The following GRIN3B variants were observed in gnomAD, a reference collection of about 807,000 sequenced individuals.
GRIN3B encodes glutamate receptor ionotropic, NMDA 3B.
A neutral mutation model predicts 66.0 loss-of-function variants in GRIN3B; 77 were observed. That is an observed-to-expected ratio of 1.17 (90% CI 0.97 to 1.41). The LOEUF is 1.41. GRIN3B is among the 40% of genes most tolerant of loss of function. GRIN3B has a pLI of 0.00. For missense variants in GRIN3B, 1,787 were observed against 1,564.5 expected (o/e 1.14, Z -2.40); for synonymous variants, 823 against 749.7 (o/e 1.10, Z -1.60).
rs1599464094 is a variant in GRIN3B at position 1,009,278 on chromosome 19, C to T, written c.2808C>T (p.Phe936=). ...RAVDKERRVR[F]LLEPAVVVAP... is the part of the protein sequence containing the mutation. ...TGGACAAGGAGCGCCGCGTGCGCTTCCTGCTGGAGCCCGCCGTGGTTGTGG... is the reference window on the plus strand; with the variant it reads ...TGGACAAGGAGCGCCGCGTGCGCTTTCTGCTGGAGCCCGCCGTGGTTGTGG... Residue 936 remains phenylalanine, a synonymous_variant, in exon 9 of 9, where the codon TTC becomes TTT. Transcript: ENST00000234389. The T allele has an allele frequency of 7.1e-7, 1 of 1,413,402 alleles. No individual in the cohort carries two copies. The highest frequency in any genetic ancestry group is 9.1e-7 in the Non-Finnish European group (1 of 1,094,622). The allele number at this position is 1,413,402 out of a possible 1,614,324, so 87.6% of individuals were successfully genotyped here.
chr19:1,008,091 C>G (rs2038777948), intron 5 of GRIN3B, 49 bp from the exon 6 acceptor site: 1 of 1,567,196 alleles, frequency 6.4e-7, no homozygotes, highest in Non-Finnish European at 8.7e-7. Flanking sequence ...GGGCAGAGTT[C>G]CCCTGGGGCT....
At position 1,009,448 on chromosome 19, in the gene GRIN3B, C is replaced by A; in HGVS notation, c.2978C>A (p.Ala993Glu). 2 of 1,473,658 alleles carry A rather than the reference C, an allele frequency of 1.4e-6. No individual in the cohort carries two copies. Among genetic ancestry groups the A allele is most frequent in the Non-Finnish European group, 1.8e-6 (2 of 1,119,016 alleles). The allele number at this position is 1,473,658 out of a possible 1,614,324, so 91.3% of individuals were successfully genotyped here. ...LQELERRIEV[A>E]RERLRQALVR... is the part of the protein sequence containing the mutation. ...GAGCTGGAGCGCCGCATCGAAGTCG[C>A]GCGTGAGCGGCTCCGCCAGGCCCTG... is the stretch of plus-strand genomic sequence containing the variant. Residue 993 changes from alanine to glutamate, a missense_variant, in exon 9 of 9, where the codon GCG becomes GAG. Ala to Glu is a moderately radical substitution (Grantham distance 107). Transcript: ENST00000234389.
chr19:1,009,062 G>C (rs1334524515), intron 8 of GRIN3B, 111 bp from the exon 9 acceptor site: 21 of 1,450,942 alleles, frequency 1.4e-5, no homozygotes, highest in Non-Finnish European at 1.8e-5. Flanking sequence ...GCACACCGTG[G>C]CTCCCTGGTT....
At position 1,004,600 on chromosome 19, in the gene GRIN3B, C is replaced by T. The variant is rs1350792424; in HGVS notation, c.1099C>T (p.His367Tyr). The T allele has an allele frequency of 1.2e-6, 2 of 1,601,258 alleles. No homozygotes were observed. Among genetic ancestry groups the T allele is most frequent in the East Asian group, 2.3e-5 (1 of 44,154 alleles). ...TGSSQVHMSR[H>Y]FKVWSLRRDP... is the part of the protein sequence containing the mutation. ...CAGCTCCCAGGTACACATGTCTCGG[C>T]ACTTTAAGGTGTGGAGCCTTCGCCG... is the stretch of plus-strand genomic sequence containing the variant. Residue 367 changes from histidine (H) to tyrosine (Y), a missense_variant, in exon 3 of 9, where the codon CAC (histidine) becomes TAC (tyrosine). His to Tyr is a moderately conservative substitution (Grantham distance 83). Transcript: ENST00000234389.
In GRIN3B at chr19:1,007,219, C is replaced by T. The variant is rs919543480; in HGVS notation, c.2053-409C>T. ...GAGGCAGTGACGACAGAGCTGCCTC[C>T]GCCTGGGGTGGGAAGAGCGAGTGGG... On this transcript the variant is annotated intron_variant, in intron 3 of 8. Coordinates refer to ENST00000234389, the MANE Select transcript of GRIN3B (RefSeq NM_138690.3). This position sits in a 1 kb window ranked among gnomAD's most constrained non-coding sequence, Gnocchi z 4.4. Among the ~76,000 whole-genome samples the T allele has an allele frequency of 1.3e-5, 2 of 152,064 alleles. No homozygotes were observed. The highest frequency in any genetic ancestry group is 2.1e-4 in the South Asian group (1 of 4,832).
chr19:1,007,881 TTCA>T lies in GRIN3B; in HGVS notation c.2229_2231del (p.Ile743del). ...GAGCGACCCCCCCAAGCTCAACGCC[TTCA>T]TCATGGACAAGTCGCTCCTGGACTA... On this transcript the variant is annotated inframe_deletion, in exon 5 of 9. Transcript: ENST00000234389. The surrounding 1 kb of genome is among the most constrained non-coding windows in gnomAD (Gnocchi z 4.4). The T allele has an allele frequency of 1.2e-6, 2 of 1,607,440 alleles. No homozygotes were observed. Among genetic ancestry groups the T allele is most frequent in the Non-Finnish European group, 1.7e-6 (2 of 1,175,878 alleles).
chr19:1,004,951 C>T lies in GRIN3B; in HGVS notation c.1450C>T (p.Leu484=), dbSNP rs80202383. Residue 484 remains leucine (L), a synonymous_variant, in exon 3 of 9, where the codon CTG becomes TTG. Transcript: ENST00000234389. ...KCCYGYCIDL[L]ERLAEDTPFD... ...CTGCTACGGCTACTGCATTGACCTG[C>T]TGGAGCGGCTGGCGGAGGACACGCC... The T allele has an allele frequency of 1.6e-3, 2,633 of 1,612,028 alleles. 3 individuals are homozygous for T. The highest frequency in any genetic ancestry group is 2.6e-3 in the South Asian group (234 of 91,068).
At position 1,007,110 on chromosome 19, in the gene GRIN3B, A is replaced by G. The variant is rs9989716; in HGVS notation, c.2053-518A>G. On this transcript the variant is annotated intron_variant, in intron 3 of 8. Coordinates refer to ENST00000234389, the MANE Select transcript of GRIN3B (RefSeq NM_138690.3). This position sits in a 1 kb window ranked among gnomAD's most constrained non-coding sequence, Gnocchi z 4.4. Reference sequence around the variant, plus strand: ...TTCGACGCTGGGCCCCAACCTGGGTAGGAGCTGTGGAGGGGTGAGCAGTGG... The same window carrying G: ...TTCGACGCTGGGCCCCAACCTGGGTGGGAGCTGTGGAGGGGTGAGCAGTGG... Among the ~76,000 whole-genome samples the G allele has an allele frequency of 0.38, 57,751 of 152,050 alleles. 11,661 individuals are homozygous for G. Among genetic ancestry groups the G allele is most frequent in the African/African-American group, 0.52 (21,433 of 41,464 alleles).
Position 1,003,510 on chromosome 19 carries a change from GC to G in GRIN3B, c.810del (p.Thr271ProfsTer86). 1 of 1,533,464 alleles carries G rather than the reference GC, an allele frequency of 6.5e-7. No homozygotes were observed. The highest frequency in any genetic ancestry group is 8.7e-7 in the Non-Finnish European group (1 of 1,144,876). The allele number at this position is 1,533,464 out of a possible 1,614,324, so 95.0% of individuals were successfully genotyped here. Reference sequence around the variant, plus strand: ...GGACACCACTGCCGCCCAAGGCCCTGCCCACCGCGGGGCTGCCACCAGGGCT... The same window carrying G: ...GGACACCACTGCCGCCCAAGGCCCTGCCACCGCGGGGCTGCCACCAGGGCT... ...LGTPLPPKALPTAGLPPGLLA... is the reference protein window; with the variant it reads ...LGTPLPPKALXTAGLPPGLLA... On this transcript the variant is annotated frameshift_variant, in exon 2 of 9. Transcript: ENST00000234389. LOFTEE classifies it high-confidence loss of function.
At chr19:1,008,496 C>T (rs971929097) in intron 6 of GRIN3B, 122 bp from the exon 7 acceptor site, 6 of 1,231,558 alleles carry the variant, frequency 4.9e-6, no homozygotes, top group Non-Finnish European at 6.7e-6. Flanking sequence ...GTCCCTGCCT[C>T]CCAACCTGGC....
At chr19:1,004,311 G>A (rs532943903) in intron 2 of GRIN3B, among the ~76,000 whole-genome samples, 1 of 152,174 alleles carries the variant, frequency 6.6e-6, no homozygotes, top group Non-Finnish European at 1.5e-5. Flanking sequence ...CGTATGTGGA[G>A]TGGGGGCACA....
intron 3 of GRIN3B, among the ~76,000 whole-genome samples, chr19:1,006,077 G>A (rs533979180): frequency 1.1e-4 from 17 of 152,256 alleles, no homozygotes; most frequent in South Asian, 2.1e-4. Context: ...CTCAAACGCC[G>A]GGGCTCAAGC....
rs780645777 is a variant in GRIN3B, at chr19:1,008,955, T to A, written c.2702+28T>A. 1.0e-4 allele frequency: 165 copies of A among 1,580,068 alleles called. 1 individual carries two copies. In the Middle Eastern group the frequency reaches 2.1e-3, roughly 20 times the overall value. On this transcript the variant is annotated intron_variant, in intron 8 of 8. Transcript: ENST00000234389. ...AAGTGGTGGTCGGGGCGGACCACGA[T>A]GCAGGACCACCCAGACCCACCACCC...
rs2038769822 is a variant in GRIN3B, at chr19:1,007,773, C to T, written c.2198C>T (p.Thr733Met). Reference protein sequence around the residue: ...PTTPRGVAMLTSDPPKLNAFI... With the variant: ...PTTPRGVAMLMSDPPKLNAFI... The stretch of plus-strand genomic sequence containing the variant: ...ACGCCCCGCGGCGTCGCCATGCTCA[C>T]GTGAGCCCGGGCGCGGGGTGAGGCG... The change falls in exon 4 of 9, where the codon ACG (threonine) becomes ATG (methionine). Residue 733 changes from threonine to methionine, a missense_variant and splice_region_variant. Transcript: ENST00000234389. This position sits in a 1 kb window ranked among gnomAD's most constrained non-coding sequence, Gnocchi z 4.4. The T allele has an allele frequency of 1.3e-6, 2 of 1,517,458 alleles. No homozygotes were observed. Among genetic ancestry groups the T allele is most frequent in the African/African-American group, 1.4e-5 (1 of 69,968 alleles). 94.0% of individuals were successfully genotyped at this position (1,517,458 alleles called of 1,614,324 possible). A position where few individuals can be genotyped will look rare whatever the true frequency, so the allele number is the denominator to read the frequency against.
In GRIN3B at chr19:1,001,558, A is replaced by C. The variant is rs188209278; in HGVS notation, c.426+695A>C. On this transcript the variant is annotated intron_variant, in intron 1 of 8. Transcript: ENST00000234389. ...TGGGGTCCCTGTTGTCCCCCCCAAC[A>C]GGGCTCACTGCGCCCCAGATAACAA... Among the ~76,000 whole-genome samples the C allele has an allele frequency of 8.2e-3, 1,239 of 151,986 alleles. 18 individuals carry two copies. Among genetic ancestry groups the C allele is most frequent in the African/African-American group, 0.028 (1,166 of 41,460 alleles).
At chr19:1,001,150 T>G (rs2038680940) in intron 1 of GRIN3B, among the ~76,000 whole-genome samples, 1 of 151,910 alleles carries the variant, frequency 6.6e-6, no homozygotes, top group Non-Finnish European at 1.5e-5. Flanking sequence ...CCCAGCGCCC[T>G]GGTGATGGGG....
In GRIN3B at chr19:1,008,793, G is replaced by T. The variant is rs1292168913; in HGVS notation, c.2631+11G>T. On this transcript the variant is annotated intron_variant, in intron 7 of 8. Coordinates refer to ENST00000234389, the MANE Select transcript of GRIN3B (RefSeq NM_138690.3). ...CTGCACACCAGCCAGGTGGGGAGCG[G>T]GTGGGCGGCGGGCGGCCCCACCCCC... The T allele has an allele frequency of 6.3e-7, 1 of 1,583,420 alleles. No homozygotes were observed. Among genetic ancestry groups the T allele is most frequent in the African/African-American group, 1.6e-5 (1 of 61,262 alleles).
At position 1,008,130 on chromosome 19, in the gene GRIN3B, G is replaced by A. The variant is rs376718013; in HGVS notation, c.2315-10G>A. 23 of 1,583,702 alleles carry A rather than the reference G, an allele frequency of 1.5e-5. No homozygotes were observed. In the East Asian group the frequency reaches 2.3e-4, roughly 16 times the overall value. Reference sequence around the variant, plus strand: ...CCACCTGGCCCCACCGCCTGGCCCCGCGCCCCCAGGCTATGGGATCGGACT... The same window carrying A: ...CCACCTGGCCCCACCGCCTGGCCCCACGCCCCCAGGCTATGGGATCGGACT... On this transcript the variant is annotated splice_polypyrimidine_tract_variant and intron_variant, in intron 5 of 8. Transcript: ENST00000234389.
intron 1 of GRIN3B, among the ~76,000 whole-genome samples, chr19:1,001,363 C>T (rs2032948229): frequency 6.6e-6 from 1 of 151,950 alleles, no homozygotes; most frequent in Non-Finnish European, 1.5e-5. Context: ...GCATTCTCCC[C>T]GTCCCCTCCC....
Sources: gnomAD v4.1 joint callset for allele counts (sites outside exome capture counted in the v4.1 genomes callset) on GRCh38, gnomAD v4.1.1 for gene constraint, Gnocchi (gnomAD v3.1) non-coding constraint, MANE v1.5 for transcripts, NCBI Gene and HGNC (gene_info 2026-07-23, HGNC 2026-07-21) for gene names.